The following SYT16 variants were observed in gnomAD, a reference collection of about 807,000 sequenced individuals.
SYT16 encodes synaptotagmin-16.
In SYT16, 42 loss-of-function variants were observed where a neutral mutation model predicts 61.4. The ratio of observed to expected loss-of-function variants is 0.68; its 90% CI spans 0.53 to 0.89. The LOEUF is 0.89. Among genes scored for constraint, SYT16 ranks in the 40% least tolerant of loss-of-function variants. The pLI is 0.00. For missense variants in SYT16, 804 were observed against 807.3 expected (o/e 1.00, Z 0.05); for synonymous variants, 314 against 302.3 (o/e 1.04, Z -0.40).
At chr14:61,834,578 C>G in intron 1 of SYT16, among the ~76,000 whole-genome samples, 1 of 151,524 alleles carries the variant, frequency 6.6e-6, no homozygotes, top group Non-Finnish European at 1.5e-5. Flanking sequence ...GCTGGGATTA[C>G]AGGTGTGCGC....
intron 1 of SYT16, among the ~76,000 whole-genome samples, chr14:61,919,890 C>T (rs563865179): frequency 5.2e-3 from 6 of 1,152 alleles, no homozygotes; most frequent in South Asian, 0.042. Context: ...AGAACTCTGT[C>T]GTGGTGAAAA....
chr14:62,097,686 C>A (rs2057313428), intron 7 of SYT16, among the ~76,000 whole-genome samples: 1 of 152,174 alleles, frequency 6.6e-6, no homozygotes, highest in Admixed American at 6.5e-5. Context: ...TATTATTTCT[C>A]TGCGTTATAC....
chr14:61,834,428 C>CATTTTT (rs1555345830), intron 1 of SYT16, among the ~76,000 whole-genome samples: 1 of 76,878 alleles, frequency 1.3e-5, no homozygotes. Context: ...CCGTGCCTGG[C>CATTTTT]TTTTTTTTTT....
chr14:61,976,226 A>T (rs1417112700), intron 2 of SYT16, among the ~76,000 whole-genome samples: 2 of 152,208 alleles, frequency 1.3e-5, no homozygotes, highest in African/African-American at 4.8e-5. Context: ...TGCAGGGTTC[A>T]GTCCCCCTCC....
chr14:62,031,556 G>A (rs1484046610), intron 3 of SYT16, among the ~76,000 whole-genome samples: 1 of 152,116 alleles, frequency 6.6e-6, no homozygotes, highest in East Asian at 1.9e-4. Context: ...GAATCACAGT[G>A]TTTTAGAGCT....
chr14:61,868,254 T>G (rs1212910120), intron 1 of SYT16, among the ~76,000 whole-genome samples: 1 of 151,860 alleles, frequency 6.6e-6, no homozygotes, highest in Non-Finnish European at 1.5e-5. Context: ...TCAGTGTGAT[T>G]AGAGGTTTAT....
intron 3 of SYT16, among the ~76,000 whole-genome samples, chr14:62,001,635 T>C (rs2140656895): frequency 6.6e-6 from 1 of 152,192 alleles, no homozygotes; most frequent in South Asian, 2.1e-4. Context: ...ATGCTTTCAT[T>C]ACTTTTGAAA....
intron 3 of SYT16, among the ~76,000 whole-genome samples, chr14:62,020,291 C>A (rs2053860294): frequency 6.6e-6 from 1 of 152,072 alleles, no homozygotes; most frequent in Non-Finnish European, 1.5e-5. Flanking sequence ...CATTAACATG[C>A]CACCTCACTC....
intron 1 of SYT16, among the ~76,000 whole-genome samples, chr14:61,830,432 C>T (rs2140232990): frequency 6.6e-6 from 1 of 152,306 alleles, no homozygotes; most frequent in South Asian, 2.1e-4. Flanking sequence ...TTTTTATAGC[C>T]TTTGCCCTGC....
At chr14:61,909,121 A>G (rs1297044218) in intron 1 of SYT16, among the ~76,000 whole-genome samples, 1 of 152,190 alleles carries the variant, frequency 6.6e-6, no homozygotes, top group Non-Finnish European at 1.5e-5. Flanking sequence ...TTTTAAGCAC[A>G]AAGTCAAAAT....
At chr14:61,902,181 A>G (rs190723146) in intron 1 of SYT16, among the ~76,000 whole-genome samples, 131 of 152,192 alleles carry the variant, frequency 8.6e-4, no homozygotes, top group African/African-American at 3.0e-3. Context: ...CTCTACCTCC[A>G]TTCATTCTCT....
At chr14:61,860,289 T>G (rs1271569272) in intron 1 of SYT16, among the ~76,000 whole-genome samples, 1 of 152,244 alleles carries the variant, frequency 6.6e-6, no homozygotes, top group Non-Finnish European at 1.5e-5. Context: ...GTTTTCATTT[T>G]TTGCAAAGCA....
chr14:61,894,987 G>A (rs1208315035), intron 1 of SYT16, among the ~76,000 whole-genome samples: 1 of 152,090 alleles, frequency 6.6e-6, no homozygotes, highest in African/African-American at 2.4e-5. Flanking sequence ...GGCCCATCTG[G>A]GCCCAATGAC....
At chr14:62,092,336 A>T (rs2057115661) in intron 7 of SYT16, among the ~76,000 whole-genome samples, 1 of 152,034 alleles carries the variant, frequency 6.6e-6, no homozygotes, top group African/African-American at 2.4e-5. Context: ...TCCTGAAAAG[A>T]TGAAAAATAG....
intron 3 of SYT16, among the ~76,000 whole-genome samples, chr14:62,005,541 A>G (rs1404148373): frequency 6.6e-6 from 1 of 152,144 alleles, no homozygotes; most frequent in Non-Finnish European, 1.5e-5. Flanking sequence ...TGCTCCCTTT[A>G]GCTTCCTGGA....
At chr14:62,019,079 G>T (rs1362180500) in intron 3 of SYT16, among the ~76,000 whole-genome samples, 4 of 152,180 alleles carry the variant, frequency 2.6e-5, no homozygotes, top group Non-Finnish European at 5.9e-5. Flanking sequence ...TTTTAGTTTT[G>T]TAATCAGTGG....
chr14:62,070,011 A>G (rs1319946336), intron 4 of SYT16, among the ~76,000 whole-genome samples, 196 bp downstream of exon 4: 1 of 152,186 alleles, frequency 6.6e-6, no homozygotes, highest in African/African-American at 2.4e-5. Flanking sequence ...GAGAGAGGGA[A>G]TGGATCAGGA....
chr14:61,833,281 CT>C (rs1174358840), intron 1 of SYT16, among the ~76,000 whole-genome samples: 4 of 147,660 alleles, frequency 2.7e-5, no homozygotes, highest in South Asian at 2.1e-4. Context: ...TCATGGGTGG[CT>C]TTTTTTTCTT....
At chr14:61,960,593 C>T (rs924243378) in intron 1 of SYT16, among the ~76,000 whole-genome samples, 1 of 152,082 alleles carries the variant, frequency 6.6e-6, no homozygotes, top group African/African-American at 2.4e-5. Flanking sequence ...GATCAAGGAG[C>T]TTTTGGGCAG....
Sources: allele counts gnomAD v4.1 joint callset (sites outside exome capture counted in the v4.1 genomes callset), GRCh38; gene constraint gnomAD v4.1.1; transcripts MANE v1.5; gene names NCBI Gene and HGNC (gene_info 2026-07-23, HGNC 2026-07-21).